The following DRC4 variants were observed in gnomAD, a reference collection of about 807,000 sequenced individuals.
DRC4 encodes the protein GAS-11.
At chr16:90,043,334 A>AC in the DRC4 span, 2 of 1,596,054 alleles carry the variant, frequency 1.3e-6, no homozygotes, top group Non-Finnish European at 1.7e-6. Flanking sequence ...ACTGGTGGGC[A>AC]CCCCGACGTA....
At chr16:90,029,552 T>C in the DRC4 span, 6 of 315,590 alleles carry the variant, frequency 1.9e-5, no homozygotes, top group African/African-American at 4.5e-5. Context: ...GTGAAGACAT[T>C]TGTCGTTGTG....
the DRC4 span, chr16:90,037,616 C>T: frequency 1.0e-6 from 1 of 977,156 alleles, no homozygotes; most frequent in Non-Finnish European, 1.6e-6. Flanking sequence ...TACCGGCCGG[C>T]CTTGGTGAGA....
the DRC4 span, among the ~76,000 whole-genome samples, chr16:90,041,474 G>A: frequency 1.1e-4 from 17 of 152,310 alleles, no homozygotes; most frequent in South Asian, 2.1e-4. Flanking sequence ...ACATCTGGGC[G>A]GGGCCAGCGC....
chr16:90,043,790 G>C, the DRC4 span: 2 of 470,806 alleles, frequency 4.2e-6, no homozygotes, highest in South Asian at 3.1e-5. Flanking sequence ...AGGGGGCCGG[G>C]ACTTCCCTAG....
chr16:90,029,869 G>A, the DRC4 span: 1 of 160,712 alleles, frequency 6.2e-6, no homozygotes, highest in Admixed American at 6.3e-5. Context: ...CCATCCTGCT[G>A]CTTCAGGCTG....
the DRC4 span, chr16:90,032,982 C>A: frequency 7.3e-7 from 1 of 1,372,146 alleles, no homozygotes; most frequent in Non-Finnish European, 1.0e-6. Context: ...AAGCCTAGTG[C>A]TGCATGAACT....
At chr16:90,041,908 C>T in the DRC4 span, among the ~76,000 whole-genome samples, 10 of 152,274 alleles carry the variant, frequency 6.6e-5, no homozygotes, top group African/African-American at 2.4e-4. Context: ...CCTGCCCTCA[C>T]CTCATCTGCA....
At chr16:90,031,338 C>T in the DRC4 span, 17 of 1,613,438 alleles carry the variant, frequency 1.1e-5, no homozygotes, top group South Asian at 8.8e-5. Flanking sequence ...GGAGCTGGAC[C>T]GCGAGCGGGA....
chr16:90,027,393 CTT>C, the DRC4 span, among the ~76,000 whole-genome samples: 1 of 152,148 alleles, frequency 6.6e-6, no homozygotes, highest in African/African-American at 2.4e-5. Context: ...CGGCTCCTCT[CTT>C]TTCTAGAAGG....
chr16:90,042,128 G>A, the DRC4 span, among the ~76,000 whole-genome samples: 2 of 152,104 alleles, frequency 1.3e-5, no homozygotes, highest in Admixed American at 1.3e-4. Flanking sequence ...TAGAGACGGG[G>A]TTTCGCCACG....
chr16:90,028,173 ATTTTTTTTTT>A, the DRC4 span, among the ~76,000 whole-genome samples: 686 of 63,900 alleles, frequency 0.011, 13 homozygotes, highest in South Asian at 0.13. Context: ...TTAATCGTTC[ATTTTTTTTTT>A]TTTTTTTTTT....
the DRC4 span, chr16:90,037,182 C>T: frequency 5.2e-6 from 8 of 1,534,548 alleles, no homozygotes; most frequent in Non-Finnish European, 7.0e-6. Flanking sequence ...GCCACAGCCC[C>T]TTTGGTTCTG....
At chr16:90,037,355 C>G in the DRC4 span, 4 of 1,613,958 alleles carry the variant, frequency 2.5e-6, no homozygotes, top group Admixed American at 3.3e-5. Flanking sequence ...GAGCGAGATG[C>G]AGAAACAGCT....
the DRC4 span, among the ~76,000 whole-genome samples, chr16:90,027,075 G>C: frequency 6.8e-6 from 1 of 147,136 alleles, no homozygotes; most frequent in South Asian, 2.2e-4. Flanking sequence ...AGCACACCTG[G>C]CTAGGTTTCC....
the DRC4 span, among the ~76,000 whole-genome samples, chr16:90,038,460 G>A: frequency 7.9e-4 from 120 of 152,304 alleles, no homozygotes; most frequent in South Asian, 3.9e-3. Flanking sequence ...TCATTTAGCC[G>A]ACTCCCGTCT....
the DRC4 span, among the ~76,000 whole-genome samples, chr16:90,032,151 TGTG>T: frequency 0.073 from 10,549 of 145,276 alleles, 1,102 homozygotes; most frequent in African/African-American, 0.24. Flanking sequence ...GTGGTACAGG[TGTG>T]GTGCAGGTGA....
the DRC4 span, chr16:90,042,438 G>C: frequency 1.2e-6 from 2 of 1,608,800 alleles, no homozygotes; most frequent in Non-Finnish European, 1.7e-6. Context: ...CAAAAGATGA[G>C]TCTCAAACTC....
At chr16:90,043,061 G>A in the DRC4 span, 1 of 1,035,828 alleles carries the variant, frequency 9.7e-7, no homozygotes, top group African/African-American at 1.6e-5. Context: ...TCCCACACGG[G>A]AAATGACTGA....
At chr16:90,039,873 C>T in the DRC4 span, 1 of 240,732 alleles carries the variant, frequency 4.2e-6, no homozygotes, top group Non-Finnish European at 8.4e-6. Flanking sequence ...GGATCTGGGG[C>T]TGGCCAAGGG....
Sources: gnomAD v4.1 joint callset for allele counts (sites outside exome capture counted in the v4.1 genomes callset) on GRCh38, gnomAD v4.1.1 for gene constraint, MANE v1.5 for transcripts, NCBI Gene and HGNC (gene_info 2026-07-23, HGNC 2026-07-21) for gene names.